The following CELF2 variants were observed in gnomAD, a reference collection of about 807,000 sequenced individuals.
CELF2 encodes CUG triplet repeat RNA-binding protein 2.
CELF2 carries 8 observed loss-of-function variants against 62.6 expected under a neutral mutation model. That is an observed-to-expected ratio of 0.13 (90% CI 0.07 to 0.23). The LOEUF (loss-of-function observed/expected upper bound fraction) is 0.23, where lower values mean the gene tolerates loss of function less well. CELF2 is among the 10% of genes least tolerant of loss of function. The pLI is 1.00. For missense variants in CELF2, 333 were observed against 671.0 expected (o/e 0.50, Z 5.56); for synonymous variants, 258 against 250.0 (o/e 1.03, Z -0.30).
chr10:10,718,675 G>A, the CELF2 span, among the ~76,000 whole-genome samples: 12 of 149,580 alleles, frequency 8.0e-5, no homozygotes, highest in East Asian at 3.9e-4. Flanking sequence ...TCACTGTGAC[G>A]TCTCCTCCAG....
chr10:10,621,966 A>C, the CELF2 span, among the ~76,000 whole-genome samples: 1 of 152,236 alleles, frequency 6.6e-6, no homozygotes, highest in East Asian at 1.9e-4. Flanking sequence ...TTCTAAAAGG[A>C]GTTTCTCACA....
At chr10:11,118,172 G>A (rs560174323) in intron 1 of CELF2, among the ~76,000 whole-genome samples, 8 of 151,878 alleles carry the variant, frequency 5.3e-5, no homozygotes, top group South Asian at 2.1e-4. Flanking sequence ...TTTTAGTAGC[G>A]CCAACTGAGG....
At chr10:10,678,246 G>T in the CELF2 span, among the ~76,000 whole-genome samples, 1 of 151,988 alleles carries the variant, frequency 6.6e-6, no homozygotes, top group African/African-American at 2.4e-5. Flanking sequence ...TTATGGTCAA[G>T]AAATTATATC....
the CELF2 span, among the ~76,000 whole-genome samples, chr10:10,583,432 A>T: frequency 0.35 from 53,624 of 151,972 alleles, 10,264 homozygotes; most frequent in East Asian, 0.6. Context: ...GGCAAAAACA[A>T]TATTTTGTAC....
the CELF2 span, among the ~76,000 whole-genome samples, chr10:10,696,258 T>G: frequency 4.6e-5 from 7 of 151,898 alleles, no homozygotes; most frequent in East Asian, 1.9e-4. Flanking sequence ...TGGAGTACCC[T>G]GCCGTGTGAG....
chr10:11,208,887 G>A (rs773406424), intron 2 of CELF2, among the ~76,000 whole-genome samples: 1 of 152,156 alleles, frequency 6.6e-6, no homozygotes, highest in Non-Finnish European at 1.5e-5. Flanking sequence ...GACTCCCAAC[G>A]TTTGCTACTT....
chr10:11,000,358 A>G (rs1255597536), upstream of CELF2, among the ~76,000 whole-genome samples: 2 of 152,072 alleles, frequency 1.3e-5, no homozygotes, highest in African/African-American at 4.8e-5. Context: ...TACTTCTTAA[A>G]TTTATCTAGT....
intron 5 of CELF2, among the ~76,000 whole-genome samples, chr10:11,264,786 G>T (rs2379112): frequency 0.053 from 8,133 of 152,240 alleles, 456 homozygotes; most frequent in African/African-American, 0.14. Context: ...AAAAGCTACA[G>T]TCAGTCTTAG....
chr10:11,128,138 A>G (rs911729192), intron 1 of CELF2, among the ~76,000 whole-genome samples: 4 of 152,174 alleles, frequency 2.6e-5, no homozygotes, highest in Admixed American at 1.3e-4. Flanking sequence ...TAAATAGGAA[A>G]TCCCTTCCCC....
intron 11 of CELF2, among the ~76,000 whole-genome samples, chr10:11,323,454 T>TAAC (rs962671023): frequency 1.3e-5 from 2 of 149,004 alleles, no homozygotes; most frequent in African/African-American, 2.5e-5. Context: ...ATAATAATAA[T>TAAC]AATAATAATG....
chr10:10,531,575 T>C, the CELF2 span, among the ~76,000 whole-genome samples: 2 of 152,130 alleles, frequency 1.3e-5, no homozygotes, highest in South Asian at 4.1e-4. Context: ...GCCCCTCCTT[T>C]ATCTCCCACA....
the CELF2 span, among the ~76,000 whole-genome samples, chr10:10,640,209 C>T: frequency 1.3e-5 from 2 of 152,292 alleles, no homozygotes; most frequent in South Asian, 2.1e-4. Context: ...AAACCCTGTC[C>T]TATCTTTGCA....
the CELF2 span, among the ~76,000 whole-genome samples, chr10:10,569,529 A>T: frequency 6.6e-6 from 1 of 152,164 alleles, no homozygotes; most frequent in Non-Finnish European, 1.5e-5. Flanking sequence ...ACACAGCCAA[A>T]CCCTATCAGT....
At chr10:10,796,182 A>C (rs960974849), upstream of CELF2, among the ~76,000 whole-genome samples, 2 of 152,204 alleles carry the variant, frequency 1.3e-5, no homozygotes, top group Non-Finnish European at 2.9e-5. Context: ...GAGAGCTCAG[A>C]CCAGTTCCTT....
the CELF2 span, among the ~76,000 whole-genome samples, chr10:10,598,815 G>A: frequency 4.4e-5 from 6 of 137,432 alleles, no homozygotes; most frequent in East Asian, 1.3e-3. Context: ...GCTGGAGTGC[G>A]GGATCTCGGC....
In CELF2 at chr10:10,876,306, C is replaced by T. The variant is rs528428474; in HGVS notation, c.54-43658C>T. 5.1e-4 allele frequency among the ~76,000 whole-genome samples: 78 copies of T among 152,174 alleles called. 1 individual carries two copies. The highest frequency in any genetic ancestry group is 1.8e-3 in the African/African-American group (74 of 41,520). ...TATGCTTAGGAGGAAGAGAGCGCTC[C>T]CATTGTGCTATGCTGTGGTGAGGTA... On this transcript the variant is annotated intron_variant, in intron 1 of 13. Coordinates refer to the CELF2 transcript ENST00000636488.
At chr10:10,669,736 T>C in the CELF2 span, among the ~76,000 whole-genome samples, 2 of 152,152 alleles carry the variant, frequency 1.3e-5, no homozygotes, top group Non-Finnish European at 2.9e-5. Flanking sequence ...TAACGCTCCC[T>C]CTTCATGATA....
the CELF2 span, among the ~76,000 whole-genome samples, chr10:10,483,087 T>C: frequency 6.6e-6 from 1 of 152,068 alleles, no homozygotes; most frequent in East Asian, 1.9e-4. Flanking sequence ...AAACCATAAG[T>C]GGTAAAAACT....
chr10:11,184,698 T>A (rs896767428), intron 2 of CELF2, among the ~76,000 whole-genome samples: 1 of 152,264 alleles, frequency 6.6e-6, no homozygotes. Flanking sequence ...TTTCCAATCA[T>A]TTGTTTCTAG....
Sources: gnomAD v4.1 joint callset for allele counts (sites outside exome capture counted in the v4.1 genomes callset) on GRCh38, gnomAD v4.1.1 for gene constraint, MANE v1.5 for transcripts, NCBI Gene and HGNC (gene_info 2026-07-23, HGNC 2026-07-21) for gene names.